The following SHC3 variants were observed in gnomAD, a reference collection of about 807,000 sequenced individuals.
SHC3 encodes the protein SHC-transforming protein 3.
A neutral mutation model predicts 60.4 loss-of-function variants in SHC3; 15 were observed. That is an observed-to-expected ratio of 0.25 (90% CI 0.17 to 0.38). The LOEUF (loss-of-function observed/expected upper bound fraction) is 0.38. Among genes scored for constraint, SHC3 ranks in the 10% least tolerant of loss-of-function variants. SHC3 has a pLI of 1.00. For synonymous variants in SHC3, 294 were observed against 325.9 expected, an observed-to-expected ratio of 0.90 and a Z score of 1.05; for missense variants, 677 against 786.1, an observed-to-expected ratio of 0.86 and a Z score of 1.66.
chr9:89,058,805 ACAT>A, intron 6 of SHC3, among the ~76,000 whole-genome samples: 1 of 123,096 alleles, frequency 8.1e-6, no homozygotes. Flanking sequence ...GTGGTGGAGG[ACAT>A]TGTAGAAGAC....
chr9:89,039,460 C>T (rs1443259616), intron 10 of SHC3, among the ~76,000 whole-genome samples: 1 of 152,140 alleles, frequency 6.6e-6, no homozygotes, highest in Non-Finnish European at 1.5e-5. Context: ...TTTCATCTGA[C>T]TTTTTTCCTG....
chr9:89,165,526 CAAAAAA>C (rs35567194), intron 1 of SHC3, among the ~76,000 whole-genome samples: 1 of 121,182 alleles, frequency 8.3e-6, no homozygotes, highest in African/African-American at 3.2e-5. Flanking sequence ...ATCATCAAGG[CAAAAAA>C]AAAAAAAAAA....
At chr9:89,102,827 C>T (rs931020011) in intron 2 of SHC3, among the ~76,000 whole-genome samples, 1 of 152,194 alleles carries the variant, frequency 6.6e-6, no homozygotes, top group Non-Finnish European at 1.5e-5. Flanking sequence ...TGAGGACTTA[C>T]TGTCTTTAGA....
At chr9:89,049,141 G>A (rs112416742) in intron 7 of SHC3, among the ~76,000 whole-genome samples, 1 of 152,106 alleles carries the variant, frequency 6.6e-6, no homozygotes, top group South Asian at 2.1e-4. Flanking sequence ...GGCGCCTGTA[G>A]TCCCAGCTAC....
intron 1 of SHC3, among the ~76,000 whole-genome samples, chr9:89,159,443 T>C (rs921108933): frequency 6.6e-6 from 1 of 152,188 alleles, no homozygotes; most frequent in African/African-American, 2.4e-5. Context: ...AAAACACCTC[T>C]TTAGCTACTT....
intron 2 of SHC3, among the ~76,000 whole-genome samples, chr9:89,105,323 C>T (rs749019848): frequency 1.3e-4 from 20 of 152,162 alleles, no homozygotes; most frequent in Non-Finnish European, 1.0e-4. Context: ...CCTTTCCTAG[C>T]TATCTGGTCT....
At chr9:89,099,006 AAG>A (rs1825745730) in intron 2 of SHC3, among the ~76,000 whole-genome samples, 1 of 152,130 alleles carries the variant, frequency 6.6e-6, no homozygotes, top group Admixed American at 6.5e-5. Context: ...TTAATTAAAA[AAG>A]AAATATGCAG....
At chr9:89,145,649 G>A (rs1159234852) in intron 1 of SHC3, among the ~76,000 whole-genome samples, 1 of 152,222 alleles carries the variant, frequency 6.6e-6, no homozygotes, top group Non-Finnish European at 1.5e-5. Context: ...CAGAACTGAA[G>A]ACCCAAGTCC....
At chr9:89,020,008 G>A (rs1054337702) in intron 11 of SHC3, among the ~76,000 whole-genome samples, 1 of 152,156 alleles carries the variant, frequency 6.6e-6, no homozygotes, top group African/African-American at 2.4e-5. Flanking sequence ...GGAGCCTCTG[G>A]AATGGTTCAT....
At chr9:89,027,939 C>G (rs546266287) in intron 11 of SHC3, among the ~76,000 whole-genome samples, 14 of 152,204 alleles carry the variant, frequency 9.2e-5, no homozygotes, top group East Asian at 1.9e-4. Context: ...CTGCAGCTCC[C>G]GCTGCTCCCA....
At chr9:89,149,582 A>C (rs74511319) in intron 1 of SHC3, among the ~76,000 whole-genome samples, 2,079 of 152,266 alleles carry the variant, frequency 0.014, 49 homozygotes, top group African/African-American at 0.045. Flanking sequence ...TTTAGATCCT[A>C]GAACTCTAAT....
intron 2 of SHC3, among the ~76,000 whole-genome samples, chr9:89,101,762 G>T (rs1305121743): frequency 6.6e-6 from 1 of 151,762 alleles, no homozygotes; most frequent in African/African-American, 2.4e-5. Flanking sequence ...TTTATATGTT[G>T]TTAGGGTTTG....
intron 1 of SHC3, among the ~76,000 whole-genome samples, chr9:89,154,197 T>C (rs1430003185): frequency 6.6e-6 from 1 of 150,760 alleles, no homozygotes; most frequent in African/African-American, 2.5e-5. Flanking sequence ...TTTTTGTGTG[T>C]GATTTTTCTT....
chr9:89,138,246 C>A (rs747817548), intron 1 of SHC3, among the ~76,000 whole-genome samples: 1 of 152,290 alleles, frequency 6.6e-6, no homozygotes, highest in Non-Finnish European at 1.5e-5. Flanking sequence ...CATAGAACTA[C>A]GTGAAAGCAA....
chr9:89,069,868 T>C (rs1247357622), intron 5 of SHC3, among the ~76,000 whole-genome samples: 2 of 152,264 alleles, frequency 1.3e-5, no homozygotes, highest in African/African-American at 4.8e-5. Flanking sequence ...CCTTTGACAT[T>C]GCTCCTTCAA....
intron 4 of SHC3, among the ~76,000 whole-genome samples, chr9:89,072,372 T>C (rs1296417811): frequency 6.6e-6 from 1 of 152,100 alleles, no homozygotes; most frequent in Non-Finnish European, 1.5e-5. Flanking sequence ...TAGATTATGT[T>C]TCCAAAAACA....
intron 7 of SHC3, among the ~76,000 whole-genome samples, chr9:89,051,701 A>T (rs6559337): frequency 6.6e-6 from 1 of 152,390 alleles, no homozygotes; most frequent in East Asian, 1.9e-4. Flanking sequence ...AACCGGTGGT[A>T]ACATAGACCC....
Position 89,147,939 on chromosome 9 carries a change from G to A in SHC3, c.474+30048C>T, listed in dbSNP as rs1054409607. On this transcript the variant is annotated intron_variant, in intron 1 of 11. Coordinates refer to ENST00000375835, the MANE Select transcript of SHC3 (RefSeq NM_016848.6). ...ACTCACATGGGCAGGCTGTGCCTTC[G>A]CTCCTCTGCCTATGACTAAGGCCTC... 5.3e-5 allele frequency among the ~76,000 whole-genome samples: 8 copies of A among 152,084 alleles called. No homozygotes were observed. The East Asian group carries it at 7.7e-4, about 15-fold the overall frequency.
At chr9:89,065,446 T>G in intron 6 of SHC3, 83 bp downstream of exon 6, 1 of 1,396,378 alleles carries the variant, frequency 7.2e-7, no homozygotes, top group Non-Finnish European at 1.0e-6. Flanking sequence ...GGGAGGGGGC[T>G]GAGATAACGA....
Sources: allele counts gnomAD v4.1 joint callset (sites outside exome capture counted in the v4.1 genomes callset), GRCh38; gene constraint gnomAD v4.1.1; transcripts MANE v1.5; gene names NCBI Gene and HGNC (gene_info 2026-07-23, HGNC 2026-07-21).